The following ROR1 variants were observed in gnomAD, a reference collection of about 807,000 sequenced individuals.
ROR1 encodes ROR family WNT receptor 1.
Under a neutral mutation model 78.8 loss-of-function variants are expected in ROR1, and 19 were observed. The observed-to-expected ratio is 0.24, with a 90% CI of 0.17 to 0.35. ROR1 has a LOEUF of 0.35. ROR1 is among the 10% of genes least tolerant of loss of function. The pLI is 1.00. For synonymous variants in ROR1, 386 were observed against 433.6 expected (o/e 0.89, Z 1.36); for missense variants, 917 against 1,177.8 (o/e 0.78, Z 3.24).
intron 1 of ROR1, among the ~76,000 whole-genome samples, chr1:63,863,765 TG>T (rs1388833967): frequency 2.0e-5 from 3 of 150,234 alleles, no homozygotes; most frequent in African/African-American, 7.4e-5. Flanking sequence ...TGTATTGTAT[TG>T]TATTGTATTG....
chr1:63,998,899 G>A (rs533942656), intron 1 of ROR1, among the ~76,000 whole-genome samples: 1 of 152,326 alleles, frequency 6.6e-6, no homozygotes, highest in Admixed American at 6.5e-5. Flanking sequence ...TACTGTTCTT[G>A]TGGTAGTGAC....
intron 4 of ROR1, among the ~76,000 whole-genome samples, chr1:64,060,713 C>T (rs1646910281): frequency 6.6e-6 from 1 of 152,132 alleles, no homozygotes; most frequent in Admixed American, 6.5e-5. Flanking sequence ...AGCAGCTAAC[C>T]TCCATCTCTT....
intron 1 of ROR1, among the ~76,000 whole-genome samples, chr1:63,803,535 G>A (rs1644808767): frequency 6.6e-6 from 1 of 152,094 alleles, no homozygotes; most frequent in African/African-American, 2.4e-5. Flanking sequence ...TAGTAGAGAT[G>A]GGGTTTCACC....
chr1:63,965,880 A>G (rs1256722920), intron 1 of ROR1, among the ~76,000 whole-genome samples: 2 of 152,222 alleles, frequency 1.3e-5, no homozygotes, highest in African/African-American at 4.8e-5. Context: ...GAATACCGCA[A>G]GGACTGTGGA....
chr1:64,036,834 GTC>G (rs1483202659), intron 2 of ROR1, among the ~76,000 whole-genome samples: 1 of 152,166 alleles, frequency 6.6e-6, no homozygotes, highest in Non-Finnish European at 1.5e-5. Flanking sequence ...CTTGTGCAGA[GTC>G]TCTCATGTGG....
chr1:64,145,959 T>C (rs374809809), intron 7 of ROR1, among the ~76,000 whole-genome samples: 10 of 152,336 alleles, frequency 6.6e-5, no homozygotes, highest in African/African-American at 2.4e-4. Context: ...TCCAAGCTCA[T>C]CTTCTTGCTA....
At chr1:64,095,937 T>G (rs1415442474) in intron 4 of ROR1, among the ~76,000 whole-genome samples, 1 of 152,186 alleles carries the variant, frequency 6.6e-6, no homozygotes, top group East Asian at 1.9e-4. Context: ...CCTTAGATCT[T>G]TTAGCTATGT....
intron 7 of ROR1, among the ~76,000 whole-genome samples, chr1:64,148,904 A>T (rs1649546995): frequency 6.6e-6 from 1 of 152,178 alleles, no homozygotes; most frequent in Non-Finnish European, 1.5e-5. Flanking sequence ...TTATTCATTC[A>T]CTCACAGAAA....
chr1:63,920,598 G>A (rs537274473), intron 1 of ROR1, among the ~76,000 whole-genome samples: 3 of 152,260 alleles, frequency 2.0e-5, no homozygotes, highest in Admixed American at 2.0e-4. Context: ...CAAGACGAGA[G>A]GCAGATACAG....
At chr1:63,961,881 A>T (rs1557584653) in intron 1 of ROR1, among the ~76,000 whole-genome samples, 1 of 152,226 alleles carries the variant, frequency 6.6e-6, no homozygotes, top group Non-Finnish European at 1.5e-5. Flanking sequence ...AATGTTTAAG[A>T]TGATGGATAT....
rs532784422 is a variant in ROR1, at chr1:63,954,387, G to T, written c.92-54918G>T. On this transcript the variant is annotated intron_variant, in intron 1 of 8. Transcript: ENST00000371079. Reference sequence around the variant, plus strand: ...ATGGTCACACCTAGCTGCAAGGGAGGCTGGACAATGTATACTTTATTCCAA... The same window carrying T: ...ATGGTCACACCTAGCTGCAAGGGAGTCTGGACAATGTATACTTTATTCCAA... 4.6e-5 allele frequency among the ~76,000 whole-genome samples: 7 copies of T among 152,328 alleles called. No individual in the cohort carries two copies. The South Asian group carries it at 1.0e-3, about 23-fold the overall frequency.
At chr1:63,930,859 A>G (rs1329381611) in intron 1 of ROR1, among the ~76,000 whole-genome samples, 3 of 152,206 alleles carry the variant, frequency 2.0e-5, no homozygotes, top group Non-Finnish European at 4.4e-5. Context: ...GTTAATAACT[A>G]TGGCAGGGAT....
At chr1:63,803,383 G>A (rs915243645) in intron 1 of ROR1, among the ~76,000 whole-genome samples, 1 of 149,146 alleles carries the variant, frequency 6.7e-6, no homozygotes, top group Admixed American at 6.7e-5. Context: ...TCGCTCTGTC[G>A]CCCAGGCTGG....
intron 8 of ROR1, among the ~76,000 whole-genome samples, chr1:64,160,212 C>T (rs982134886): frequency 6.6e-6 from 1 of 152,154 alleles, no homozygotes; most frequent in Non-Finnish European, 1.5e-5. Context: ...AAAGTCTTCA[C>T]ACTCAAATTA....
At chr1:63,877,943 G>T (rs1479235899) in intron 1 of ROR1, among the ~76,000 whole-genome samples, 1 of 152,172 alleles carries the variant, frequency 6.6e-6, no homozygotes, top group African/African-American at 2.4e-5. Context: ...CTGCTTGTGG[G>T]TGAGGGTAAA....
intron 4 of ROR1, among the ~76,000 whole-genome samples, chr1:64,070,797 T>G (rs1646997200): frequency 6.6e-6 from 1 of 152,178 alleles, no homozygotes; most frequent in Non-Finnish European, 1.5e-5. Context: ...TAGAACTTGG[T>G]TCTATCAGGA....
At chr1:63,976,629 G>A (rs1646163269) in intron 1 of ROR1, among the ~76,000 whole-genome samples, 1 of 152,054 alleles carries the variant, frequency 6.6e-6, no homozygotes, top group Non-Finnish European at 1.5e-5. Flanking sequence ...CTAGATCCCT[G>A]GTTTGTCGGT....
At chr1:63,844,008 G>A (rs1354684022) in intron 1 of ROR1, among the ~76,000 whole-genome samples, 1 of 152,162 alleles carries the variant, frequency 6.6e-6, no homozygotes, top group African/African-American at 2.4e-5. Context: ...GGGATTTTCA[G>A]ACCAGCCCTT....
intron 1 of ROR1, among the ~76,000 whole-genome samples, chr1:63,821,101 G>T (rs1275313367): frequency 6.6e-6 from 1 of 152,096 alleles, no homozygotes; most frequent in Admixed American, 6.6e-5. Context: ...GATTATGCTG[G>T]GGGGAGGAAG....
Sources: allele counts gnomAD v4.1 joint callset (sites outside exome capture counted in the v4.1 genomes callset), GRCh38; gene constraint gnomAD v4.1.1; transcripts MANE v1.5; gene names NCBI Gene and HGNC (gene_info 2026-07-23, HGNC 2026-07-21).